The following OPA3 variants were observed in gnomAD, a reference collection of about 807,000 sequenced individuals.
The protein encoded by OPA3 is optic atrophy 3 protein.
OPA3 carries 6 observed loss-of-function variants against 4.0 expected under a neutral mutation model. The ratio of observed to expected loss-of-function variants is 1.51; its 90% CI spans 0.83 to 2.99. OPA3 has a LOEUF of 2.99. Among genes scored for constraint, OPA3 ranks in the 30% most tolerant of loss-of-function variants. OPA3 has a pLI of 0.00. For synonymous variants in OPA3, 105 were observed against 117.1 expected (o/e 0.90, Z 0.67); for missense variants, 235 against 256.2 (o/e 0.92, Z 0.56).
rs1193540048 is a variant in OPA3, at chr19:45,549,137, A to G, written c.*4377T>C. ...CTTTTTAAATATGAAAAAAGAATGC[A>G]TCAACTTGAAGATAATCAGCTTCAT... is the stretch of plus-strand genomic sequence containing the variant. On this transcript the variant is annotated 3_prime_UTR_variant, in exon 2 of 2. Transcript: ENST00000263275. 3.0e-6 allele frequency: 3 copies of G among 985,212 alleles called. No homozygotes were observed. Among genetic ancestry groups the G allele is most frequent in the East Asian group, 1.1e-4 (1 of 8,826 alleles). 61.0% of individuals were successfully genotyped at this position (985,212 alleles called of 1,614,324 possible).
At position 45,550,572 on chromosome 19, in the gene OPA3, A is replaced by G. The variant is rs1218309020; in HGVS notation, c.*2942T>C. The G allele has an allele frequency of 1.1e-5, 11 of 985,636 alleles. No individual in the cohort carries two copies. The highest frequency in any genetic ancestry group is 1.3e-5 in the Non-Finnish European group (11 of 830,466). 61.1% of individuals were successfully genotyped at this position (985,636 alleles called of 1,614,324 possible). On this transcript the variant is annotated 3_prime_UTR_variant, in exon 2 of 2. Coordinates refer to ENST00000263275, the MANE Select transcript of OPA3 (RefSeq NM_025136.4). ...CTCACTCTGCCCCTACTACTTCACC[A>G]CCCTGGGCAGTCAGCCCCTCACTGG...
chr19:45,549,417 C>T lies in OPA3; in HGVS notation c.*4097G>A, dbSNP rs1969299648. The T allele has an allele frequency of 1.0e-6, 1 of 985,176 alleles. No individual in the cohort carries two copies. The highest frequency in any genetic ancestry group is 1.2e-6 in the Non-Finnish European group (1 of 829,902). 61.0% of individuals were successfully genotyped at this position (985,176 alleles called of 1,614,324 possible). On this transcript the variant is annotated 3_prime_UTR_variant, in exon 2 of 2. Coordinates refer to ENST00000263275, the MANE Select transcript of OPA3 (RefSeq NM_025136.4). ...AAGTCTCTGAGATGTGAGAGCAGCA[C>T]TCCATCTGGGTCAGGACAGCGCTGG...
chr19:45,569,416 G>A (rs1368592944), intron 1 of OPA3, among the ~76,000 whole-genome samples: 4 of 152,082 alleles, frequency 2.6e-5, no homozygotes, highest in African/African-American at 9.7e-5. Context: ...CCGAGATCGC[G>A]CCACTGCACT....
intron 1 of OPA3, among the ~76,000 whole-genome samples, chr19:45,563,670 C>T (rs1423448406): frequency 1.3e-5 from 2 of 151,880 alleles, no homozygotes; most frequent in African/African-American, 4.8e-5. Context: ...GTCCTCCCAC[C>T]TCAGCCTCCC....
chr19:45,539,856 A>G (rs1368969438), intron 1 of OPA3, among the ~76,000 whole-genome samples: 1 of 152,220 alleles, frequency 6.6e-6, no homozygotes, highest in African/African-American at 2.4e-5. Flanking sequence ...CTATTAAGGC[A>G]GAAAGTAGAT....
rs753867707 is a variant in OPA3 at position 45,551,030 on chromosome 19, G to A, written c.*2484C>T. 240 of 872,120 alleles carry A rather than the reference G, an allele frequency of 2.8e-4. No individual in the cohort carries two copies. Among genetic ancestry groups the A allele is most frequent in the Non-Finnish European group, 3.2e-4 (236 of 726,962 alleles). 54.0% of individuals were successfully genotyped at this position (872,120 alleles called of 1,614,324 possible). A position where few individuals can be genotyped will look rare whatever the true frequency, so the allele number is the denominator to read the frequency against. On this transcript the variant is annotated 3_prime_UTR_variant, in exon 2 of 2. Transcript: ENST00000263275. Reference sequence around the variant, plus strand: ...GGCTGGAGTGTAGTGGCGCGATCACGGCTCGCTGCAGCCTCGACCTCCAGG... The same window carrying A: ...GGCTGGAGTGTAGTGGCGCGATCACAGCTCGCTGCAGCCTCGACCTCCAGG...
chr19:45,535,506 C>T (rs1969105852), intron 1 of OPA3, among the ~76,000 whole-genome samples: 1 of 150,224 alleles, frequency 6.7e-6, no homozygotes, highest in Non-Finnish European at 1.5e-5. Flanking sequence ...TGCAGGGACA[C>T]AACACCATGC....
At chr19:45,534,179 A>G (rs1251620088) in intron 1 of OPA3, among the ~76,000 whole-genome samples, 3 of 152,222 alleles carry the variant, frequency 2.0e-5, no homozygotes, top group African/African-American at 4.8e-5. Flanking sequence ...TGAAAATACA[A>G]CTGCCATTAA....
intron 1 of OPA3, among the ~76,000 whole-genome samples, chr19:45,532,307 C>A (rs1250456612): frequency 1.3e-5 from 2 of 152,140 alleles, no homozygotes; most frequent in African/African-American, 4.8e-5. Context: ...CTTCCCTGGG[C>A]TGCTTTTAAT....
intron 1 of OPA3, among the ~76,000 whole-genome samples, chr19:45,531,716 G>A (rs184794176): frequency 1.4e-4 from 22 of 152,258 alleles, no homozygotes; most frequent in East Asian, 9.6e-4. Context: ...TGACTAGTTC[G>A]AAATCCTATT....
At chr19:45,578,860 C>G (rs1460287851) in intron 1 of OPA3, among the ~76,000 whole-genome samples, 2 of 152,050 alleles carry the variant, frequency 1.3e-5, no homozygotes. Context: ...AAACAGAACT[C>G]TGATATTGTC....
rs886054531 is a variant in OPA3, at chr19:45,552,036, T to C, written c.*1478A>G. 47 of 985,186 alleles carry C rather than the reference T, an allele frequency of 4.8e-5. No individual in the cohort carries two copies. Among genetic ancestry groups the C allele is most frequent in the Non-Finnish European group, 5.7e-5 (47 of 830,058 alleles). 61.0% of individuals were successfully genotyped at this position (985,186 alleles called of 1,614,324 possible). On this transcript the variant is annotated 3_prime_UTR_variant, in exon 2 of 2. Transcript: ENST00000263275. ...CAGGCTGGATTAGCCCTAGTTAGGA[T>C]CAAATTTCCCACCACGGAAAGGGGG...
chr19:45,540,566 GAAA>G (rs11290497), intron 1 of OPA3, among the ~76,000 whole-genome samples: 3 of 100,774 alleles, frequency 3.0e-5, no homozygotes, highest in Admixed American at 2.1e-4. Flanking sequence ...GTCTCAGAAA[GAAA>G]AAAAAAAAAA....
At chr19:45,576,181 C>T (rs1466866372) in intron 1 of OPA3, among the ~76,000 whole-genome samples, 2 of 152,000 alleles carry the variant, frequency 1.3e-5, no homozygotes, top group East Asian at 3.9e-4. Flanking sequence ...TGAGATCATG[C>T]CACTGTAATC....
chr19:45,562,616 G>A (rs1969522039), intron 1 of OPA3, among the ~76,000 whole-genome samples: 1 of 152,220 alleles, frequency 6.6e-6, no homozygotes, highest in Non-Finnish European at 1.5e-5. Context: ...TTGAACCTGG[G>A]AGGCAGAGGT....
rs541381652 is a variant in OPA3, at chr19:45,549,492, T to G, written c.*4022A>C. On this transcript the variant is annotated 3_prime_UTR_variant, in exon 2 of 2. Transcript: ENST00000263275. ...GTGTTCACACTCCCACCTCTGTTTT[T>G]TTTTTTTGAGTTGAGTCTCACTCTG... is the stretch of plus-strand genomic sequence containing the variant. The G allele has an allele frequency of 1.0e-6, 1 of 985,274 alleles. No individual in the cohort carries two copies. The highest frequency in any genetic ancestry group is 4.7e-5 in the South Asian group (1 of 21,280). The allele number at this position is 985,274 out of a possible 1,614,324, so 61.0% of individuals were successfully genotyped here.
At chr19:45,528,983 C>G in exon 2 of OPA3, 2 of 1,514,292 alleles carry the variant, frequency 1.3e-6, no homozygotes, top group Non-Finnish European at 8.9e-7. Context: ...TGGGACAGTG[C>G]GGAGAATAGG....
At chr19:45,535,888 C>G (rs1969111626) in intron 1 of OPA3, among the ~76,000 whole-genome samples, 1 of 151,522 alleles carries the variant, frequency 6.6e-6, no homozygotes, top group East Asian at 1.9e-4. Context: ...CCTCAGCCTC[C>G]TGAGTAGCTG....
At chr19:45,580,600 CTATTTATTTATT>C (rs71173184) in intron 1 of OPA3, among the ~76,000 whole-genome samples, 5 of 137,722 alleles carry the variant, frequency 3.6e-5, no homozygotes, top group South Asian at 2.4e-4. Context: ...GCACAGAAGC[CTATTTATTTATT>C]TATTTATTTA....
Sources: gnomAD v4.1 joint callset for allele counts (sites outside exome capture counted in the v4.1 genomes callset) on GRCh38, gnomAD v4.1.1 for gene constraint, MANE v1.5 for transcripts, NCBI Gene and HGNC (gene_info 2026-07-23, HGNC 2026-07-21) for gene names.